Variants in NKTR observed in about 807,000 individuals in gnomAD.
The protein encoded by NKTR is NK-tumor recognition protein.
A neutral mutation model predicts 156.3 loss-of-function variants in NKTR; 67 were observed. The observed-to-expected ratio is 0.43, with a 90% CI of 0.35 to 0.53. NKTR has a LOEUF of 0.53. Ranked by LOEUF, NKTR falls within the 20% of genes least tolerant of loss-of-function variation. NKTR has a pLI of 0.01. For missense variants in NKTR, 1,604 were observed against 1,730.9 expected (o/e 0.93, Z 1.30); for synonymous variants, 640 against 596.6 (o/e 1.07, Z -1.06).
chr3:42,635,056 C>G (rs1047457610), intron 11 of NKTR, 165 bp from the exon 12 acceptor site: 1 of 316,768 alleles, frequency 3.2e-6, no homozygotes, highest in Non-Finnish European at 5.0e-6. Context: ...AAGTTAAAAA[C>G]TAAAAAAAAA....
At chr3:42,612,976 AT>A (rs1292460198) in intron 2 of NKTR, among the ~76,000 whole-genome samples, 3 of 152,120 alleles carry the variant, frequency 2.0e-5, no homozygotes, top group Admixed American at 6.6e-5. Context: ...TTATGAAAGT[AT>A]TTTGTAAATC....
Position 42,642,595 on chromosome 3 carries a change from A to G in NKTR, c.4141A>G (p.Arg1381Gly). The G allele has an allele frequency of 6.2e-7, 1 of 1,612,904 alleles. No homozygotes were observed. The highest frequency in any genetic ancestry group is 8.5e-7 in the Non-Finnish European group (1 of 1,178,816). ...TTCCTACCGGAGTTACAAAAGTCAC[A>G]GGTGAGCTTGTGATCTCACCCTGTG... ...SSSYRSYKSH[R>G]TSSRSRSRSS... is the part of the protein sequence containing the mutation. The change falls in exon 14 of 17, where the codon AGG (arginine) becomes GGG (glycine). Residue 1381 changes from arginine (R) to glycine (G), a missense_variant and splice_region_variant. This residue lies in a region of NKTR where 193 missense variants were observed against 220.2 expected (regional missense o/e 0.88). Coordinates refer to ENST00000232978, the MANE Select transcript of NKTR (RefSeq NM_005385.4).
chr3:42,633,324 G>T, intron 9 of NKTR: 1 of 1,232,766 alleles, frequency 8.1e-7, no homozygotes, highest in Non-Finnish European at 1.0e-6. Context: ...TTACAGGTGT[G>T]AGCCACAATG....
chr3:42,607,612 A>G (rs1706349258), intron 2 of NKTR, among the ~76,000 whole-genome samples: 1 of 152,168 alleles, frequency 6.6e-6, no homozygotes, highest in African/African-American at 2.4e-5. Flanking sequence ...TAAAAAATAG[A>G]TGTATATTTG....
rs557085265 is a variant in NKTR, at chr3:42,647,357, T to C, written c.*1382T>C. 14 of 148,834 alleles carry C rather than the reference T, an allele frequency of 9.4e-5. No homozygotes were observed. The East Asian group carries it at 2.7e-3, about 29-fold the overall frequency. 9.2% of individuals were successfully genotyped at this position (148,834 alleles called of 1,614,324 possible). A position where few individuals can be genotyped will look rare whatever the true frequency, so the allele number is the denominator to read the frequency against. ...TGTTCCCCAAGTGTACTTAATCACC[T>C]TAGTGCCAGTTTAATCCAGTTATGC... On this transcript the variant is annotated 3_prime_UTR_variant, in exon 17 of 17. Coordinates refer to ENST00000232978, the MANE Select transcript of NKTR (RefSeq NM_005385.4).
Position 42,637,862 on chromosome 3 carries a change from A to G in NKTR, c.2158A>G (p.Arg720Gly), listed in dbSNP as rs760296550. The G allele has an allele frequency of 2.5e-6, 4 of 1,614,022 alleles. No individual in the cohort carries two copies. Among genetic ancestry groups the G allele is most frequent in the Admixed American group, 3.3e-5 (2 of 60,026 alleles). The change falls in exon 13 of 17, where the codon AGG becomes GGG. Residue 720 changes from arginine to glycine, a missense_variant. By Grantham distance (125) the Arg-to-Gly change is moderately radical (BLOSUM62 -2). This residue lies in a region of NKTR where 1,255 missense variants were observed against 1,243.7 expected (regional missense o/e 1.01). Coordinates refer to ENST00000232978, the MANE Select transcript of NKTR (RefSeq NM_005385.4). ...RSLASSHSRS[R>G]SPSSRSHSRN... ...TCTAGCTAGTTCACATTCAAGGTCT[A>G]GGTCTCCATCATCTAGATCTCATTC... is the stretch of plus-strand genomic sequence containing the variant.
At chr3:42,601,418 G>A (rs1705446338) in intron 2 of NKTR, 1 of 184,196 alleles carries the variant, frequency 5.4e-6, no homozygotes, top group African/African-American at 2.3e-5. Context: ...TATCTTGCTT[G>A]GTGCTATGAA....
chr3:42,636,963 C>T lies in NKTR; in HGVS notation c.1259C>T (p.Thr420Ile), dbSNP rs1709475576. 6.2e-7 allele frequency: 1 copy of T among 1,611,550 alleles called. No individual in the cohort carries two copies. Among genetic ancestry groups the T allele is most frequent in the Non-Finnish European group, 8.5e-7 (1 of 1,179,456 alleles). Residue 420 changes from threonine to isoleucine, a missense_variant, in exon 13 of 17, where the codon ACA (threonine) becomes ATA (isoleucine). By Grantham distance (89) the Thr-to-Ile change is moderately conservative. Around this residue, in one of 6 missense-constraint regions of NKTR, gnomAD observed 1,255 missense variants for 1,243.7 expected, o/e 1.01. Transcript: ENST00000232978. ...AATGGATATTATTCAGACCTTAGTA[C>T]AGCAAGACACTCTGGCCACCATAAA... ...SYNGYYSDLS[T>I]ARHSGHHKKR...
Position 42,647,985 on chromosome 3 carries a change from GCTT to G in NKTR, c.*2013_*2015del, listed in dbSNP as rs1263643114. ...TCATGGAGGCTCTGGGGAAGAATCT[GCTT>G]CTAAGTTCATTCAGGTTGTTGGCGG... On this transcript the variant is annotated 3_prime_UTR_variant, in exon 17 of 17. Coordinates refer to ENST00000232978, the MANE Select transcript of NKTR (RefSeq NM_005385.4). 1 of 152,200 alleles carries G rather than the reference GCTT, an allele frequency of 6.6e-6. No individual in the cohort carries two copies. The highest frequency in any genetic ancestry group is 6.5e-5 in the Admixed American group (1 of 15,276). 9.4% of individuals were successfully genotyped at this position (152,200 alleles called of 1,614,324 possible).
At chr3:42,627,679 C>T (rs1708519069) in intron 6 of NKTR, 11 of 983,134 alleles carry the variant, frequency 1.1e-5, no homozygotes, top group Non-Finnish European at 1.2e-5. Flanking sequence ...AAATCACTGT[C>T]TTTAAGTACA....
At chr3:42,611,965 G>A (rs980656103) in intron 2 of NKTR, among the ~76,000 whole-genome samples, 1 of 152,098 alleles carries the variant, frequency 6.6e-6, no homozygotes, top group African/African-American at 2.4e-5. Context: ...GCCAAGCATG[G>A]TGGCATGCTC....
intron 2 of NKTR, among the ~76,000 whole-genome samples, chr3:42,606,435 A>G (rs973173406): frequency 6.6e-6 from 1 of 152,090 alleles, no homozygotes; most frequent in African/African-American, 2.4e-5. Context: ...ATGGACACTA[A>G]GTCAAGTTAA....
rs986058797 is a variant in NKTR at position 42,638,013 on chromosome 3, A to C, written c.2309A>C (p.His770Pro). ...RSSGKKNSVS[H>P]KKHSSSSEKT... is the part of the protein sequence containing the mutation. ...AGTGGGAAAAAAAATAGCGTTTCAC[A>C]TAAAAAGCATAGCAGCAGCTCTGAA... is the stretch of plus-strand genomic sequence containing the variant. Residue 770 changes from histidine (H) to proline (P), a missense_variant, in exon 13 of 17, where the codon CAT becomes CCT. By Grantham distance (77) the His-to-Pro change is moderately conservative. This residue lies in a region of NKTR where 1,255 missense variants were observed against 1,243.7 expected (regional missense o/e 1.01). Coordinates refer to ENST00000232978, the MANE Select transcript of NKTR (RefSeq NM_005385.4). 6.2e-7 allele frequency: 1 copy of C among 1,614,232 alleles called. No individual in the cohort carries two copies. Among genetic ancestry groups the C allele is most frequent in the African/African-American group, 1.3e-5 (1 of 75,070 alleles).
Position 42,601,042 on chromosome 3 carries a change from C to T in NKTR, c.36C>T (p.Asp12=), listed in dbSNP as rs1295006811. The change falls in exon 2 of 17, where the codon GAC becomes GAT. Residue 12 remains aspartate (D), a synonymous_variant. Coordinates refer to ENST00000232978, the MANE Select transcript of NKTR (RefSeq NM_005385.4). The stretch of plus-strand genomic sequence containing the variant: ...AGGACCGGCCGCAGTGCCACTTCGA[C>T]ATCGAGATCAACCGGGAGCCGGGTG... The part of the protein sequence containing the change: ...GAQDRPQCHF[D]IEINREPVGR... 2 of 1,583,250 alleles carry T rather than the reference C, an allele frequency of 1.3e-6. No individual in the cohort carries two copies. The highest frequency in any genetic ancestry group is 1.8e-5 in the Admixed American group (1 of 56,088).
At chr3:42,622,334 C>T (rs528114679) in intron 6 of NKTR, among the ~76,000 whole-genome samples, 1 of 151,954 alleles carries the variant, frequency 6.6e-6, no homozygotes, top group Non-Finnish European at 1.5e-5. Flanking sequence ...GATAACTGTC[C>T]AGCATGAGGG....
In NKTR at chr3:42,637,269, A is replaced by T; in HGVS notation, c.1565A>T (p.Lys522Ile). ...THSSRDSYRS[K>I]SHSQSYSRGS... ...TCCAGCAGAGACTCATACAGATCAA[A>T]ATCTCACTCACAGTCTTATTCTAGA... The change falls in exon 13 of 17, where the codon AAA becomes ATA. Residue 522 changes from lysine (K) to isoleucine (I), a missense_variant. Physicochemically the swap from Lys to Ile is moderately radical, Grantham distance 102. Coordinates refer to ENST00000232978, the MANE Select transcript of NKTR (RefSeq NM_005385.4). The T allele has an allele frequency of 6.2e-7, 1 of 1,613,714 alleles. No individual in the cohort carries two copies. Among genetic ancestry groups the T allele is most frequent in the Non-Finnish European group, 8.5e-7 (1 of 1,179,912 alleles).
intron 2 of NKTR, among the ~76,000 whole-genome samples, chr3:42,608,118 T>C (rs1299354910): frequency 6.6e-6 from 1 of 151,316 alleles, no homozygotes; most frequent in Non-Finnish European, 1.5e-5. Flanking sequence ...GCCTCCCAAG[T>C]AGCTGCGATT....
At chr3:42,616,916 G>A (rs560219694) in intron 2 of NKTR, among the ~76,000 whole-genome samples, 1 of 152,110 alleles carries the variant, frequency 6.6e-6, no homozygotes, top group South Asian at 2.1e-4. Context: ...ACCATCCCCC[G>A]CTAATTTTTA....
intron 2 of NKTR, among the ~76,000 whole-genome samples, chr3:42,616,929 A>AT (rs1455974596): frequency 6.6e-6 from 1 of 152,062 alleles, no homozygotes; most frequent in African/African-American, 2.4e-5. Flanking sequence ...AATTTTTAAA[A>AT]TTTTTTGTAG....
Sources: allele counts gnomAD v4.1 joint callset (sites outside exome capture counted in the v4.1 genomes callset), GRCh38; gene constraint gnomAD v4.1.1; regional missense constraint gnomAD v4.1.1; transcripts MANE v1.5; gene names NCBI Gene and HGNC (gene_info 2026-07-23, HGNC 2026-07-21).